TSPAN1: variants seen among roughly 807,000 people sequenced by gnomAD.
TSPAN1 encodes the protein tetraspanin-1.
In TSPAN1, 23 loss-of-function variants were observed where a neutral mutation model predicts 26.9. The ratio of observed to expected loss-of-function variants is 0.85; its 90% CI spans 0.62 to 1.21. TSPAN1 has a LOEUF of 1.21. Among genes scored for constraint, TSPAN1 ranks in the 50% most tolerant of loss-of-function variants. TSPAN1 has a pLI of 0.00. For missense variants in TSPAN1, 283 were observed against 298.4 expected, an observed-to-expected ratio of 0.95 and a Z score of 0.38; for synonymous variants, 115 against 114.8, an observed-to-expected ratio of 1.00 and a Z score of -0.01.
At chr1:46,177,290 G>GC (rs1360107130) in intron 1 of TSPAN1, among the ~76,000 whole-genome samples, 1 of 151,372 alleles carries the variant, frequency 6.6e-6, no homozygotes, top group Non-Finnish European at 1.5e-5. Flanking sequence ...AGCCCAGATT[G>GC]CACCATTGCA....
At chr1:46,188,391 G>C (rs543898967), downstream of TSPAN1, among the ~76,000 whole-genome samples, 4 of 152,246 alleles carry the variant, frequency 2.6e-5, no homozygotes, top group South Asian at 8.3e-4. Context: ...ACAGGTGCCC[G>C]GCCCAGGCAA....
intron 4 of TSPAN1, 81 bp downstream of exon 4, chr1:46,184,478 G>T (rs1488023817): frequency 6.2e-7 from 1 of 1,608,334 alleles, no homozygotes; most frequent in Non-Finnish European, 8.5e-7. Flanking sequence ...CCCAAACCCT[G>T]CTTTGGACCC....
chr1:46,188,791 G>C (rs370387187), downstream of TSPAN1: 1 of 1,612,796 alleles, frequency 6.2e-7, no homozygotes, highest in East Asian at 2.2e-5. Flanking sequence ...GGGTCTCTGA[G>C]TGAGTCTGTG....
At chr1:46,182,773 C>A (rs956068650) in intron 3 of TSPAN1, among the ~76,000 whole-genome samples, 1 of 152,022 alleles carries the variant, frequency 6.6e-6, no homozygotes, top group Non-Finnish European at 1.5e-5. Context: ...GGGCTTCCTT[C>A]GGCTGCAGGG....
rs897881871 is a variant in TSPAN1, at chr1:46,177,384, T to C, written c.-142+1975T>C. ...CTATCTATCTATCTATCTATCTAAC[T>C]ATCTATCTATATTTGAGTCATTGAC... On this transcript the variant is annotated intron_variant, in intron 1 of 8. Transcript: ENST00000372003. Among the ~76,000 whole-genome samples the C allele has an allele frequency of 5.3e-5, 8 of 152,132 alleles. No homozygotes were observed. In the East Asian group the frequency reaches 1.4e-3, roughly 26 times the overall value.
the TSPAN1 span, chr1:46,194,760 G>A: frequency 1.9e-6 from 3 of 1,613,678 alleles, no homozygotes; most frequent in Non-Finnish European, 1.7e-6. Context: ...GCTCCTATTT[G>A]TTCCCCACCC....
chr1:46,181,089 C>T lies in TSPAN1; in HGVS notation c.-8-11C>T, dbSNP rs547843932. 3.1e-6 allele frequency: 5 copies of T among 1,613,418 alleles called. No homozygotes were observed. Among genetic ancestry groups the T allele is most frequent in the Non-Finnish European group, 4.2e-6 (5 of 1,179,704 alleles). On this transcript the variant is annotated splice_polypyrimidine_tract_variant and intron_variant, in intron 2 of 8. Transcript: ENST00000372003. ...AAACAAGGCCCTAACTTGCACATGT[C>T]TACCTCCCAGGAGCCACCATGCAGT... is the stretch of plus-strand genomic sequence containing the variant.
the TSPAN1 span, chr1:46,192,002 G>T: frequency 6.8e-7 from 1 of 1,478,806 alleles, no homozygotes; most frequent in Non-Finnish European, 9.3e-7. Flanking sequence ...AAGGTTACAT[G>T]GCTAGCAAGT....
chr1:46,187,967 T>TTCAGACCA (rs1657474563), downstream of TSPAN1, among the ~76,000 whole-genome samples: 1 of 152,150 alleles, frequency 6.6e-6, no homozygotes, highest in African/African-American at 2.4e-5. Flanking sequence ...TGCTCCACAC[T>TTCAGACCA]CATCCTCCTG....
chr1:46,182,316 A>AAAAAAAAAAAAAAAAAAAAAAAAAAAAAC (rs1657332290), intron 3 of TSPAN1, among the ~76,000 whole-genome samples: 2 of 147,434 alleles, frequency 1.4e-5, no homozygotes, highest in African/African-American at 2.5e-5. Flanking sequence ...AAAAAAAAAA[A>AAAAAAAAAAAAAAAAAAAAAAAAAAAAAC]AGCCACTGTG....
chr1:46,194,363 G>A, the TSPAN1 span: 7 of 1,614,092 alleles, frequency 4.3e-6, no homozygotes, highest in African/African-American at 4.0e-5. Flanking sequence ...CGCCGGCGGC[G>A]ACGGTTCAGC....
intron 1 of TSPAN1, chr1:46,176,614 C>T: frequency 9.9e-7 from 1 of 1,009,850 alleles, no homozygotes; most frequent in Non-Finnish European, 1.4e-6. Context: ...GGTCAGGCTC[C>T]TTCACAATCT....
At chr1:46,180,825 T>C (rs1277678048) in intron 2 of TSPAN1, among the ~76,000 whole-genome samples, 167 bp downstream of exon 2, 1 of 151,930 alleles carries the variant, frequency 6.6e-6, no homozygotes, top group Non-Finnish European at 1.5e-5. Context: ...ACCTGCAGTG[T>C]GGGAGTCAGG....
downstream of TSPAN1, among the ~76,000 whole-genome samples, chr1:46,187,030 A>G (rs183608049): frequency 1.9e-3 from 288 of 150,990 alleles, 1 homozygote; most frequent in Middle Eastern, 6.8e-3. Flanking sequence ...CTGGTCTCGA[A>G]CTCCTGACCT....
At chr1:46,195,994 C>G in the TSPAN1 span, 1 of 1,614,070 alleles carries the variant, frequency 6.2e-7, no homozygotes, top group Non-Finnish European at 8.5e-7. Flanking sequence ...TCTGGGTCAC[C>G]CACCCCTAGA....
chr1:46,184,528 G>C, intron 4 of TSPAN1, 66 bp from the exon 5 acceptor site: 1 of 1,603,766 alleles, frequency 6.2e-7, no homozygotes, highest in Non-Finnish European at 8.5e-7. Context: ...CCGGGGGGGG[G>C]ATTAGGGCAA....
At chr1:46,183,442 T>C (rs549743939) in intron 3 of TSPAN1, 1 of 152,664 alleles carries the variant, frequency 6.6e-6, no homozygotes, top group Admixed American at 6.5e-5. Flanking sequence ...GGCTGATTCA[T>C]CCACTGAAGC....
chr1:46,190,973 C>T, the TSPAN1 span: 1 of 618,240 alleles, frequency 1.6e-6, no homozygotes, highest in Admixed American at 2.2e-5. Context: ...TTAATTTGGC[C>T]TCCACCATTG....
chr1:46,190,323 C>A, downstream of TSPAN1: 1 of 1,040,958 alleles, frequency 9.6e-7, no homozygotes, highest in Admixed American at 1.7e-5. Context: ...GGATTACAGG[C>A]GTGAGCCACC....
Sources: allele counts gnomAD v4.1 joint callset (sites outside exome capture counted in the v4.1 genomes callset), GRCh38; gene constraint gnomAD v4.1.1; transcripts MANE v1.5; gene names NCBI Gene and HGNC (gene_info 2026-07-23, HGNC 2026-07-21).